GALNTL6: variants seen among roughly 807,000 people sequenced by gnomAD.
GALNTL6 encodes the protein polypeptide N-acetylgalactosaminyltransferase like 6.
In GALNTL6, 46 loss-of-function variants were observed where a neutral mutation model predicts 73.7. The observed-to-expected ratio is 0.62, with a 90% CI of 0.49 to 0.80. The LOEUF (loss-of-function observed/expected upper bound fraction) is 0.80, where lower values mean the gene tolerates loss of function less well. Among genes scored for constraint, GALNTL6 ranks in the 30% least tolerant of loss-of-function variants. GALNTL6 has a pLI of 0.00. For missense variants in GALNTL6, 604 were observed against 755.0 expected (o/e 0.80, Z 2.34); for synonymous variants, 259 against 263.7 (o/e 0.98, Z 0.17).
chr4:172,304,516 A>G (rs1343723003), intron 3 of GALNTL6, among the ~76,000 whole-genome samples: 1 of 152,170 alleles, frequency 6.6e-6, no homozygotes, highest in Non-Finnish European at 1.5e-5. Flanking sequence ...CCAAAAAATC[A>G]TATTTGAGCA....
intron 3 of GALNTL6, among the ~76,000 whole-genome samples, chr4:172,277,311 C>T (rs1158715561): frequency 1.3e-5 from 2 of 151,968 alleles, no homozygotes; most frequent in Non-Finnish European, 2.9e-5. Context: ...GACATCCTGC[C>T]TGCAGGATCC....
At chr4:172,655,924 C>G (rs931794610) in intron 5 of GALNTL6, among the ~76,000 whole-genome samples, 1 of 152,100 alleles carries the variant, frequency 6.6e-6, no homozygotes, top group African/African-American at 2.4e-5. Flanking sequence ...AAGGAAAGAA[C>G]GAGTGTAACC....
chr4:172,395,174 T>C (rs1743803911), intron 5 of GALNTL6, among the ~76,000 whole-genome samples: 1 of 152,204 alleles, frequency 6.6e-6, no homozygotes, highest in South Asian at 2.1e-4. Context: ...AGGCCATCAC[T>C]ACCATTCCTT....
intron 5 of GALNTL6, among the ~76,000 whole-genome samples, chr4:172,408,176 T>G (rs947243426): frequency 6.6e-6 from 1 of 152,082 alleles, no homozygotes; most frequent in African/African-American, 2.4e-5. Flanking sequence ...TCATAAGATA[T>G]TATTATGTGA....
At chr4:172,535,086 T>TTTAGAC (rs1735301677) in intron 5 of GALNTL6, among the ~76,000 whole-genome samples, 2 of 152,182 alleles carry the variant, frequency 1.3e-5, no homozygotes, top group African/African-American at 4.8e-5. Context: ...AACTTCCATG[T>TTTAGAC]TTAGACTCAC....
intron 11 of GALNTL6, among the ~76,000 whole-genome samples, chr4:173,019,324 A>G (rs1203125226): frequency 6.6e-6 from 1 of 152,200 alleles, no homozygotes. Context: ...TGACCGGCAT[A>G]CTGGTGAGAG....
At chr4:172,467,840 TTCTTTCTTTCTTTC>T (rs1732884407) in intron 5 of GALNTL6, among the ~76,000 whole-genome samples, 1 of 150,098 alleles carries the variant, frequency 6.7e-6, no homozygotes, top group Non-Finnish European at 1.5e-5. Context: ...CTTTCTTTCT[TTCTTTCTTTCTTTC>T]TTTCTTTCTT....
At chr4:172,303,160 C>T (rs1740001641) in intron 3 of GALNTL6, among the ~76,000 whole-genome samples, 1 of 151,982 alleles carries the variant, frequency 6.6e-6, no homozygotes, top group Non-Finnish European at 1.5e-5. Context: ...CCACTGTGCC[C>T]AGCTAATTTT....
At chr4:172,530,335 A>G (rs753371442) in intron 5 of GALNTL6, among the ~76,000 whole-genome samples, 2 of 152,190 alleles carry the variant, frequency 1.3e-5, no homozygotes, top group African/African-American at 2.4e-5. Context: ...AATATTCTAT[A>G]TAGAGACTAA....
chr4:172,494,197 A>T (rs116700798), intron 5 of GALNTL6, among the ~76,000 whole-genome samples: 1,677 of 152,344 alleles, frequency 0.011, 33 homozygotes, highest in African/African-American at 0.036. Flanking sequence ...CAGGCACTGT[A>T]CAAAGCTCTT....
intron 5 of GALNTL6, among the ~76,000 whole-genome samples, chr4:172,634,083 A>G (rs80291412): frequency 0.032 from 4,877 of 152,294 alleles, 127 homozygotes; most frequent in South Asian, 0.093. Flanking sequence ...CCCCAGTATG[A>G]CTAACCACCA....
intron 5 of GALNTL6, among the ~76,000 whole-genome samples, chr4:172,441,883 T>G (rs1230058902): frequency 8.4e-6 from 1 of 119,072 alleles, no homozygotes; most frequent in Non-Finnish European, 1.7e-5. Context: ...AATTTGTAGT[T>G]TCATGAGATA....
At chr4:172,265,737 A>T in intron 3 of GALNTL6, among the ~76,000 whole-genome samples, 1 of 152,100 alleles carries the variant, frequency 6.6e-6, no homozygotes, top group East Asian at 1.9e-4. Flanking sequence ...ACAAAAGCAG[A>T]TATTTTAGAA....
At chr4:172,576,927 T>A (rs769854216) in intron 5 of GALNTL6, among the ~76,000 whole-genome samples, 6 of 152,092 alleles carry the variant, frequency 3.9e-5, no homozygotes, top group Non-Finnish European at 8.8e-5. Context: ...CTTATGTGAG[T>A]GAGGCTTAGG....
intron 2 of GALNTL6, among the ~76,000 whole-genome samples, chr4:171,965,642 C>G (rs866122271): frequency 2.1e-4 from 22 of 104,134 alleles, no homozygotes; most frequent in African/African-American, 7.5e-4. Context: ...GGCGACAGAG[C>G]GAGACTCCGT....
chr4:172,005,969 A>G (rs1003901481), intron 2 of GALNTL6, among the ~76,000 whole-genome samples: 10 of 152,142 alleles, frequency 6.6e-5, no homozygotes, highest in African/African-American at 2.4e-4. Context: ...AAAAATACTG[A>G]TTTGCTTTCA....
chr4:172,998,404 T>C (rs71607902), intron 10 of GALNTL6, among the ~76,000 whole-genome samples: 1 of 152,258 alleles, frequency 6.6e-6, no homozygotes, highest in South Asian at 2.1e-4. Context: ...ATGAATTATG[T>C]TAGGGCTTAT....
chr4:173,000,166 A>G (rs1054931756), intron 10 of GALNTL6, among the ~76,000 whole-genome samples: 2 of 152,234 alleles, frequency 1.3e-5, no homozygotes, highest in Admixed American at 6.5e-5. Context: ...CATCACATTT[A>G]TGAAGCATTA....
Position 172,307,493 on chromosome 4 carries a change from A to C in GALNTL6, c.248-4121A>C, listed in dbSNP as rs562867603. ...CTAGAATTTTTATGATTTTAGGTCT[A>C]AGATTTAAGTTTTTGATCCATCTTG... On this transcript the variant is annotated intron_variant, in intron 3 of 12. Transcript: ENST00000506823. 4.6e-5 allele frequency among the ~76,000 whole-genome samples: 7 copies of C among 152,244 alleles called. No homozygotes were observed. In the South Asian group the frequency reaches 1.5e-3, roughly 32 times the overall value.
Sources: gnomAD v4.1 joint callset for allele counts (sites outside exome capture counted in the v4.1 genomes callset) on GRCh38, gnomAD v4.1.1 for gene constraint, MANE v1.5 for transcripts, NCBI Gene and HGNC (gene_info 2026-07-23, HGNC 2026-07-21) for gene names.